YBX2: variants seen among roughly 807,000 people sequenced by gnomAD.
The protein encoded by YBX2 is Y-box-binding protein 2.
A neutral mutation model predicts 44.4 loss-of-function variants in YBX2; 5 were observed. That is an observed-to-expected ratio of 0.11 (90% CI 0.06 to 0.24). The LOEUF (loss-of-function observed/expected upper bound fraction) is 0.24, where lower values mean the gene tolerates loss of function less well. YBX2 is among the 10% of genes least tolerant of loss of function. The pLI, the probability that YBX2 is intolerant of heterozygous loss-of-function variation, is 1.00. For synonymous variants in YBX2, 188 were observed against 216.1 expected (o/e 0.87, Z 1.14); for missense variants, 417 against 526.9 (o/e 0.79, Z 2.04).
intron 2 of YBX2, 46 bp downstream of exon 2, chr17:7,293,429 G>T (rs780614413): frequency 1.2e-6 from 2 of 1,613,156 alleles, no homozygotes; most frequent in Non-Finnish European, 1.7e-6. Context: ...CCACAGGCCA[G>T]CTGGGAAGAC....
Position 7,290,480 on chromosome 17 carries a change from C to G in YBX2, c.515G>C (p.Arg172Pro), listed in dbSNP as rs1178727927. 6.2e-7 allele frequency: 1 copy of G among 1,613,436 alleles called. No homozygotes were observed. The highest frequency in any genetic ancestry group is 1.7e-5 in the Admixed American group (1 of 59,984). The change falls in exon 5 of 9, where the codon CGT (arginine) becomes CCT (proline). Residue 172 changes from arginine to proline, a missense_variant. Coordinates refer to ENST00000007699, the MANE Select transcript of YBX2 (RefSeq NM_015982.4). The part of the protein sequence containing the change: ...GPGGVPVKGS[R>P]YAPNRRKSRR... ...GGACTTACGTCGGTTGGGGGCATAACGGCTGCCCTTCACGGGTACTCCCCC... is the reference window on the plus strand; with the variant it reads ...GGACTTACGTCGGTTGGGGGCATAAGGGCTGCCCTTCACGGGTACTCCCCC...
chr17:7,291,844 C>T lies in YBX2; in HGVS notation c.369+182G>A, dbSNP rs1480592037. 4.1e-6 allele frequency: 3 copies of T among 729,510 alleles called. No individual in the cohort carries two copies. The highest frequency in any genetic ancestry group is 7.1e-6 in the Non-Finnish European group (3 of 425,412). 45.2% of individuals were successfully genotyped at this position (729,510 alleles called of 1,614,324 possible). ...ATGCCCAGGGGTAACATGCTCAATT[C>T]TGACGGACGTTTAGTAACCCAGCAC... On this transcript the variant is annotated intron_variant, in intron 3 of 8. Transcript: ENST00000007699. This position sits in a 1 kb window ranked among gnomAD's most constrained non-coding sequence, Gnocchi z 5.8.
At chr17:7,293,578 G>A (rs752026934) in intron 1 of YBX2, 40 bp from the exon 2 acceptor site, 3 of 1,613,944 alleles carry the variant, frequency 1.9e-6, no homozygotes, top group Non-Finnish European at 2.5e-6. Flanking sequence ...GAGATGGGGG[G>A]AAGAGATGGA....
At chr17:7,292,251 C>T (rs1488472488) in intron 2 of YBX2, 192 bp from the exon 3 acceptor site, 13 of 653,652 alleles carry the variant, frequency 2.0e-5, no homozygotes, top group Non-Finnish European at 3.5e-5. Context: ...AAGAGAGATA[C>T]ACCTAAAACC....
Position 7,291,847 on chromosome 17 carries a change from A to T in YBX2, c.369+179T>A. On this transcript the variant is annotated intron_variant, in intron 3 of 8. Transcript: ENST00000007699. The surrounding 1 kb of genome is among the most constrained non-coding windows in gnomAD (Gnocchi z 5.8). ...CCCAGGGGTAACATGCTCAATTCTG[A>T]CGGACGTTTAGTAACCCAGCACAAG... The T allele has an allele frequency of 1.4e-6, 1 of 738,398 alleles. No individual in the cohort carries two copies. Among genetic ancestry groups the T allele is most frequent in the Non-Finnish European group, 2.3e-6 (1 of 431,194 alleles). 45.7% of individuals were successfully genotyped at this position (738,398 alleles called of 1,614,324 possible).
rs914886397 is a variant in YBX2, at chr17:7,288,425, C to T, written c.*258G>A. On this transcript the variant is annotated 3_prime_UTR_variant, in exon 9 of 9. Coordinates refer to ENST00000007699, the MANE Select transcript of YBX2 (RefSeq NM_015982.4). ...GCTGGTTCCTTCTCAGCCTGAGTTA[C>T]GGGAGGGAGTTGCTGTCTCTGAACA... 4.2e-5 allele frequency: 9 copies of T among 213,266 alleles called. No homozygotes were observed. The highest frequency in any genetic ancestry group is 1.4e-4 in the African/African-American group (6 of 43,154). 13.2% of individuals were successfully genotyped at this position (213,266 alleles called of 1,614,324 possible). A position where few individuals can be genotyped will look rare whatever the true frequency, so the allele number is the denominator to read the frequency against.
Position 7,294,550 on chromosome 17 carries a change from C to G in YBX2, c.-50G>C, listed in dbSNP as rs756838265. On this transcript the variant is annotated 5_prime_UTR_variant, in exon 1 of 9. Coordinates refer to ENST00000007699, the MANE Select transcript of YBX2 (RefSeq NM_015982.4). This position sits in a 1 kb window ranked among gnomAD's most constrained non-coding sequence, Gnocchi z 4.6. ...AGCCGCCACCGCCCCGGCCCCTCCC[C>G]CCGGCTCGCGAACCCACCGCCCTGC... is the stretch of plus-strand genomic sequence containing the variant. The G allele has an allele frequency of 5.0e-6, 7 of 1,402,044 alleles. No individual in the cohort carries two copies. In the Admixed American group the frequency reaches 1.1e-4, roughly 22 times the overall value. The allele number at this position is 1,402,044 out of a possible 1,614,324, so 86.9% of individuals were successfully genotyped here. A position where few individuals can be genotyped will look rare whatever the true frequency, so the allele number is the denominator to read the frequency against.
chr17:7,294,333 C>T lies in YBX2; in HGVS notation c.168G>A (p.Gly56=). 3 of 1,309,496 alleles carry T rather than the reference C, an allele frequency of 2.3e-6. No homozygotes were observed. Among genetic ancestry groups the T allele is most frequent in the Non-Finnish European group, 2.9e-6 (3 of 1,035,954 alleles). 81.1% of individuals were successfully genotyped at this position (1,309,496 alleles called of 1,614,324 possible). ...TGCGGGAGCCCGGCGCCGAGGGGGT[C>T]CCAGCAGCGGGGCCCGAGGCGGCTC... The part of the protein sequence containing the change: ...GGGAASGPAA[G]TPSAPGSRTP... Residue 56 remains glycine (G), a synonymous_variant, in exon 1 of 9, where the codon GGG becomes GGA. Transcript: ENST00000007699. This position sits in a 1 kb window ranked among gnomAD's most constrained non-coding sequence, Gnocchi z 4.6.
At chr17:7,293,321 A>C in intron 2 of YBX2, 154 bp downstream of exon 2, 4 of 1,368,568 alleles carry the variant, frequency 2.9e-6, no homozygotes, top group Non-Finnish European at 4.1e-6. Context: ...CACGAAGCAC[A>C]CATTTGTGCT....
Position 7,291,677 on chromosome 17 carries a change from A to G in YBX2, c.369+349T>C. On this transcript the variant is annotated intron_variant, in intron 3 of 8. Coordinates refer to ENST00000007699, the MANE Select transcript of YBX2 (RefSeq NM_015982.4). The surrounding 1 kb of genome is among the most constrained non-coding windows in gnomAD (Gnocchi z 5.8). The stretch of plus-strand genomic sequence containing the variant: ...CACCAGGTCTGGGGTGGGACCTGAG[A>G]ATTCGGATGTCAGGTGATGCTGCTG... 2.5e-6 allele frequency: 1 copy of G among 397,444 alleles called. No individual in the cohort carries two copies. The highest frequency in any genetic ancestry group is 5.5e-5 in the East Asian group (1 of 18,338). 24.6% of individuals were successfully genotyped at this position (397,444 alleles called of 1,614,324 possible). A position where few individuals can be genotyped will look rare whatever the true frequency, so the allele number is the denominator to read the frequency against.
chr17:7,294,041 T>A lies in YBX2; in HGVS notation c.271+189A>T. The A allele has an allele frequency of 1.5e-6, 1 of 652,760 alleles. No individual in the cohort carries two copies. Among genetic ancestry groups the A allele is most frequent in the Non-Finnish European group, 2.2e-6 (1 of 456,110 alleles). The allele number at this position is 652,760 out of a possible 1,614,324, so 40.4% of individuals were successfully genotyped here. On this transcript the variant is annotated intron_variant, in intron 1 of 8. Coordinates refer to ENST00000007699, the MANE Select transcript of YBX2 (RefSeq NM_015982.4). The surrounding 1 kb of genome is among the most constrained non-coding windows in gnomAD (Gnocchi z 4.6). ...AGCTGAACCTGCCGGCCCCGCCCTC[T>A]CTCCCAGGAAGGTACGGCAGGATTT...
intron 4 of YBX2, among the ~76,000 whole-genome samples, chr17:7,290,888 C>T (rs559379724): frequency 5.9e-5 from 9 of 152,294 alleles, no homozygotes; most frequent in Non-Finnish European, 7.3e-5. Flanking sequence ...AGAAGAAACC[C>T]AGACACTGCC....
rs1208409184 is a variant in YBX2, at chr17:7,290,465, C to T, written c.530G>A (p.Arg177Gln). Reference sequence around the variant, plus strand: ...GGGGATGAATCGGCGGGACTTACGTCGGTTGGGGGCATAACGGCTGCCCTT... The same window carrying T: ...GGGGATGAATCGGCGGGACTTACGTTGGTTGGGGGCATAACGGCTGCCCTT... ...PVKGSRYAPNRRKSRRFIPRP... is the reference protein window; with the variant it reads ...PVKGSRYAPNQRKSRRFIPRP... The change falls in exon 5 of 9, where the codon CGA (arginine) becomes CAA (glutamine). Residue 177 changes from arginine to glutamine, a missense_variant. This residue lies in a region of YBX2 where 39 missense variants were observed against 123.8 expected (regional missense o/e 0.32). Transcript: ENST00000007699. 2 of 1,613,880 alleles carry T rather than the reference C, an allele frequency of 1.2e-6. No individual in the cohort carries two copies. Among genetic ancestry groups the T allele is most frequent in the Non-Finnish European group, 8.5e-7 (1 of 1,179,872 alleles).
At position 7,289,694 on chromosome 17, in the gene YBX2, T is replaced by C. The variant is rs765330887; in HGVS notation, c.880A>G (p.Thr294Ala). The C allele has an allele frequency of 6.2e-7, 1 of 1,613,522 alleles. No homozygotes were observed. Among genetic ancestry groups the C allele is most frequent in the Non-Finnish European group, 8.5e-7 (1 of 1,179,690 alleles). Residue 294 changes from threonine to alanine, a missense_variant, in exon 7 of 9, where the codon ACC (threonine) becomes GCC (alanine). Physicochemically the swap from Thr to Ala is moderately conservative, Grantham distance 58. This residue lies in a region of YBX2 where 257 missense variants were observed against 261.7 expected (regional missense o/e 0.98). Transcript: ENST00000007699. ...PFRPRPRQQP[T>A]TEGGDGETKP... ...GTCTCACCATCCCCACCTTCTGTGG[T>C]AGGCTGCTGGCGTGGCCTGGGGCGG...
Position 7,294,072 on chromosome 17 carries a change from C to T in YBX2, c.271+158G>A, listed in dbSNP as rs1307044856. ...AGGAAGGTACGGCAGGATTTCCCACCAGGGGAATCCACTTTGGTGCGCAGC... is the reference window on the plus strand; with the variant it reads ...AGGAAGGTACGGCAGGATTTCCCACTAGGGGAATCCACTTTGGTGCGCAGC... On this transcript the variant is annotated intron_variant, in intron 1 of 8. Coordinates refer to ENST00000007699, the MANE Select transcript of YBX2 (RefSeq NM_015982.4). The surrounding 1 kb of genome is among the most constrained non-coding windows in gnomAD (Gnocchi z 4.6). The T allele has an allele frequency of 1.2e-6, 1 of 852,068 alleles. No individual in the cohort carries two copies. Among genetic ancestry groups the T allele is most frequent in the East Asian group, 3.4e-5 (1 of 29,670 alleles). The allele number at this position is 852,068 out of a possible 1,614,324, so 52.8% of individuals were successfully genotyped here.
Position 7,288,619 on chromosome 17 carries a change from G to A in YBX2, c.*64C>T. The A allele has an allele frequency of 1.4e-6, 1 of 725,346 alleles. No individual in the cohort carries two copies. Among genetic ancestry groups the A allele is most frequent in the Non-Finnish European group, 2.4e-6 (1 of 422,168 alleles). 44.9% of individuals were successfully genotyped at this position (725,346 alleles called of 1,614,324 possible). ...GAGCAGGGTACTGGGTAGGGTACAG[G>A]TCATTTGGAAAAACTGGCAGATACC... On this transcript the variant is annotated 3_prime_UTR_variant, in exon 9 of 9. Transcript: ENST00000007699.
chr17:7,288,657 G>A lies in YBX2; in HGVS notation c.*40-14C>T. 9.2e-7 allele frequency: 1 copy of A among 1,087,310 alleles called. No individual in the cohort carries two copies. Among genetic ancestry groups the A allele is most frequent in the Non-Finnish European group, 1.4e-6 (1 of 730,678 alleles). 67.4% of individuals were successfully genotyped at this position (1,087,310 alleles called of 1,614,324 possible). A position where few individuals can be genotyped will look rare whatever the true frequency, so the allele number is the denominator to read the frequency against. Reference sequence around the variant, plus strand: ...ACTGGCAGATACCTGAGAGAGAAAAGGAAATGGACGGATTGTGAACAACAG... The same window carrying A: ...ACTGGCAGATACCTGAGAGAGAAAAAGAAATGGACGGATTGTGAACAACAG... On this transcript the variant is annotated splice_polypyrimidine_tract_variant and intron_variant, in intron 8 of 8. Transcript: ENST00000007699.
chr17:7,293,145 G>T, intron 2 of YBX2: 1 of 389,630 alleles, frequency 2.6e-6, no homozygotes. Context: ...CTGAGGCACA[G>T]AGAACCCTAT....
chr17:7,292,699 G>T (rs1242395334), intron 2 of YBX2: 1 of 153,602 alleles, frequency 6.5e-6, no homozygotes, highest in Non-Finnish European at 1.4e-5. Context: ...TGGGTGGGGG[G>T]AGGGGAGAAA....
Sources: gnomAD v4.1 joint callset for allele counts (sites outside exome capture counted in the v4.1 genomes callset) on GRCh38, gnomAD v4.1.1 for gene constraint, gnomAD v4.1.1 regional missense constraint, Gnocchi (gnomAD v3.1) non-coding constraint, MANE v1.5 for transcripts, NCBI Gene and HGNC (gene_info 2026-07-23, HGNC 2026-07-21) for gene names.